KIAA1671: variants seen among roughly 807,000 people sequenced by gnomAD.
KIAA1671 encodes KIAA1671.
Under a neutral mutation model 131.2 loss-of-function variants are expected in KIAA1671, and 52 were observed. The observed-to-expected ratio is 0.40, with a 90% confidence interval of 0.32 to 0.50. The LOEUF (loss-of-function observed/expected upper bound fraction) is 0.50, where lower values mean the gene tolerates loss of function less well. Among genes scored for constraint, KIAA1671 ranks in the 20% least tolerant of loss-of-function variants. The pLI is 0.73. For missense variants in KIAA1671, 2,360 were observed against 2,364.2 expected (o/e 1.00, Z 0.04); for synonymous variants, 1,003 against 961.6 (o/e 1.04, Z -0.80).
intron 1 of KIAA1671, among the ~76,000 whole-genome samples, chr22:24,975,374 A>G (rs942073549): frequency 6.7e-6 from 1 of 149,404 alleles, no homozygotes. Flanking sequence ...GCTTGAGTGC[A>G]GTGGTGCAAT....
intron 1 of KIAA1671, among the ~76,000 whole-genome samples, chr22:25,021,426 T>G (rs1925659222): frequency 6.6e-6 from 1 of 152,114 alleles, no homozygotes; most frequent in South Asian, 2.1e-4. Flanking sequence ...CATTCTCTCT[T>G]TTTCTGTCAC....
intron 6 of KIAA1671, among the ~76,000 whole-genome samples, chr22:25,074,382 G>A (rs933174724): frequency 6.6e-6 from 1 of 150,450 alleles, no homozygotes; most frequent in African/African-American, 2.5e-5. Context: ...GTGTGTGCCT[G>A]TAGTCCCAGC....
At chr22:24,985,543 G>C (rs1464227827) in intron 1 of KIAA1671, among the ~76,000 whole-genome samples, 1 of 152,114 alleles carries the variant, frequency 6.6e-6, no homozygotes, top group Non-Finnish European at 1.5e-5. Flanking sequence ...GTTTCACCGG[G>C]TTAGCCAGGA....
At chr22:24,967,237 T>A (rs1478781389) in intron 1 of KIAA1671, among the ~76,000 whole-genome samples, 6 of 152,218 alleles carry the variant, frequency 3.9e-5, no homozygotes, top group Admixed American at 3.9e-4. Flanking sequence ...AGGGAGGTAC[T>A]GTTAGGTGCC....
chr22:25,152,497 G>A (rs1933079715), intron 6 of KIAA1671, among the ~76,000 whole-genome samples: 1 of 152,180 alleles, frequency 6.6e-6, no homozygotes, highest in Admixed American at 6.5e-5. Context: ...CTGACTAGTT[G>A]CCTAATTTCT....
chr22:25,039,882 A>G lies in KIAA1671; in HGVS notation c.2752A>G (p.Arg918Gly). ...GAAAGGGCCCTTCATTGTAGCCGCC[A>G]GGGAGGGTGATCCAGGGCCGGCCCA... ...VQKGPFIVAA[R>G]EGDPGPAQVP... The change falls in exon 5 of 13, where the codon AGG (arginine) becomes GGG (glycine). Residue 918 changes from arginine to glycine, a missense_variant. Transcript: ENST00000358431. The G allele has an allele frequency of 6.4e-7, 1 of 1,551,486 alleles. No individual in the cohort carries two copies. The highest frequency in any genetic ancestry group is 8.7e-7 in the Non-Finnish European group (1 of 1,146,956).
At chr22:24,983,774 ATTT>A (rs1164602658) in intron 1 of KIAA1671, among the ~76,000 whole-genome samples, 7 of 116,738 alleles carry the variant, frequency 6.0e-5, no homozygotes, top group Admixed American at 1.7e-4. Flanking sequence ...GGTGTTTGGA[ATTT>A]TTTTTTTTTT....
At chr22:25,148,565 C>T (rs149196577) in intron 6 of KIAA1671, among the ~76,000 whole-genome samples, 28 of 152,314 alleles carry the variant, frequency 1.8e-4, no homozygotes, top group African/African-American at 6.5e-4. Context: ...TCCTTTCTCG[C>T]TGAAGCAGGA....
chr22:25,027,948 T>C lies in KIAA1671; in HGVS notation c.-52T>C, dbSNP rs2145786141. ...TTTGTTTGTTTTGTTTGTTTAGCAA[T>C]TGCTTCTCCATTCTTGAAGTTCCTA... On this transcript the variant is annotated 5_prime_UTR_variant, in exon 3 of 13. Transcript: ENST00000358431. 1 of 1,316,216 alleles carries C rather than the reference T, an allele frequency of 7.6e-7. No homozygotes were observed. The highest frequency in any genetic ancestry group is 1.5e-5 in the African/African-American group (1 of 67,226). 81.5% of individuals were successfully genotyped at this position (1,316,216 alleles called of 1,614,324 possible).
intron 5 of KIAA1671, among the ~76,000 whole-genome samples, chr22:25,047,795 T>G (rs1197867963): frequency 6.6e-6 from 1 of 152,252 alleles, no homozygotes; most frequent in Non-Finnish European, 1.5e-5. Flanking sequence ...ATGGTACCCT[T>G]TAAAGCACAA....
At chr22:25,119,887 G>A (rs1251706720) in intron 6 of KIAA1671, among the ~76,000 whole-genome samples, 1 of 152,192 alleles carries the variant, frequency 6.6e-6, no homozygotes, top group East Asian at 1.9e-4. Flanking sequence ...AGCTCAGAGA[G>A]GTGGGCCAGG....
intron 3 of KIAA1671, among the ~76,000 whole-genome samples, chr22:25,031,186 C>A (rs1279384685): frequency 1.3e-5 from 2 of 150,724 alleles, no homozygotes; most frequent in East Asian, 3.9e-4. Flanking sequence ...GCCACCACAC[C>A]CAGCTAATTT....
intron 4 of KIAA1671, among the ~76,000 whole-genome samples, 167 bp downstream of exon 4, chr22:25,032,863 A>G (rs1270809586): frequency 6.6e-6 from 1 of 152,208 alleles, no homozygotes; most frequent in African/African-American, 2.4e-5. Flanking sequence ...CCCTTTTGGC[A>G]TGAAGAGTTG....
At position 25,065,653 on chromosome 22, in the gene KIAA1671, T is replaced by TG. The variant is rs1568936878; in HGVS notation, c.4530+16289_4530+16290insG. The stretch of plus-strand genomic sequence containing the variant: ...AATTATTATTATTATTATTATTTTT[T>TG]TTTTTTTGAGACAGTCTCGCTCGTC... On this transcript the variant is annotated intron_variant, in intron 6 of 12. Coordinates refer to ENST00000358431, the MANE Select transcript of KIAA1671 (RefSeq NM_001145206.2). Among the ~76,000 whole-genome samples, 52 of 150,324 alleles carry TG rather than the reference T, an allele frequency of 3.5e-4. No homozygotes were observed. In the South Asian group the frequency reaches 0.011, roughly 32 times the overall value.
intron 4 of KIAA1671, among the ~76,000 whole-genome samples, chr22:25,037,524 C>G (rs1231439852): frequency 1.3e-5 from 2 of 152,078 alleles, no homozygotes; most frequent in South Asian, 2.1e-4. Context: ...TGCCCCTGGC[C>G]TTATTATAAC....
At chr22:25,029,574 C>T (rs1311738078) in intron 3 of KIAA1671, 34 bp downstream of exon 3, 24 of 1,436,342 alleles carry the variant, frequency 1.7e-5, no homozygotes, top group East Asian at 1.5e-4. Flanking sequence ...CTCTCTCAGC[C>T]GCCCACCCAC....
intron 1 of KIAA1671, chr22:25,024,644 A>G (rs1474448553): frequency 6.6e-6 from 1 of 152,204 alleles, no homozygotes; most frequent in East Asian, 1.9e-4. Context: ...CTTATTTAGC[A>G]TCTTAGAGAG....
chr22:25,184,491 T>C (rs1053992652), intron 10 of KIAA1671, among the ~76,000 whole-genome samples: 1 of 152,228 alleles, frequency 6.6e-6, no homozygotes, highest in African/African-American at 2.4e-5. Flanking sequence ...AAGGGAACTT[T>C]ATGCACACCA....
At chr22:25,046,989 G>C in intron 5 of KIAA1671, among the ~76,000 whole-genome samples, 1 of 81,490 alleles carries the variant, frequency 1.2e-5, no homozygotes, top group African/African-American at 4.6e-5. Flanking sequence ...TTTTTTTTTT[G>C]AGCCAGCGTC....
Sources: gnomAD v4.1 joint callset for allele counts (sites outside exome capture counted in the v4.1 genomes callset) on GRCh38, gnomAD v4.1.1 for gene constraint, MANE v1.5 for transcripts, NCBI Gene and HGNC (gene_info 2026-07-23, HGNC 2026-07-21) for gene names.